The following STT3B variants were observed in gnomAD, a reference collection of about 807,000 sequenced individuals.
STT3B encodes STT3 oligosaccharyltransferase complex catalytic subunit B.
Under a neutral mutation model 96.8 loss-of-function variants are expected in STT3B, and 29 were observed. The observed-to-expected ratio is 0.30, with a 90% confidence interval of 0.22 to 0.41. The LOEUF is 0.41. Ranked by LOEUF, STT3B falls within the 10% of genes least tolerant of loss-of-function variation. STT3B has a pLI of 1.00. For synonymous variants in STT3B, 367 were observed against 360.0 expected, an observed-to-expected ratio of 1.02 and a Z score of -0.22; for missense variants, 640 against 1,022.3, an observed-to-expected ratio of 0.63 and a Z score of 5.10.
chr3:31,551,928 G>A (rs1394167221), intron 1 of STT3B, among the ~76,000 whole-genome samples: 2 of 152,180 alleles, frequency 1.3e-5, no homozygotes, highest in African/African-American at 2.4e-5. Context: ...CAACAGCCAG[G>A]AAGAAACCAG....
intron 1 of STT3B, among the ~76,000 whole-genome samples, chr3:31,572,383 A>C (rs907811496): frequency 1.3e-5 from 2 of 151,626 alleles, no homozygotes; most frequent in Non-Finnish European, 2.9e-5. Flanking sequence ...ACTTATCTCT[A>C]TGAGTCAAAA....
At chr3:31,632,289 T>G (rs1699680286) in intron 14 of STT3B, among the ~76,000 whole-genome samples, 1 of 152,248 alleles carries the variant, frequency 6.6e-6, no homozygotes, top group African/African-American at 2.4e-5. Flanking sequence ...TATCTCTTAC[T>G]TGTGCATTTA....
chr3:31,588,811 A>G (rs114323302), intron 3 of STT3B, among the ~76,000 whole-genome samples: 10 of 152,108 alleles, frequency 6.6e-5, no homozygotes, highest in African/African-American at 2.4e-4. Context: ...AGGTCAGTTT[A>G]TATTTATGGG....
chr3:31,565,661 G>A (rs902779041), intron 1 of STT3B, among the ~76,000 whole-genome samples: 1 of 152,202 alleles, frequency 6.6e-6, no homozygotes, highest in African/African-American at 2.4e-5. Context: ...CTTTGTGATA[G>A]TCACACTTAT....
Position 31,637,492 on chromosome 3 carries a change from G to A in STT3B, c.*1428G>A, listed in dbSNP as rs914719876. The A allele has an allele frequency of 1.3e-5, 2 of 152,158 alleles. No homozygotes were observed. The highest frequency in any genetic ancestry group is 4.8e-5 in the African/African-American group (2 of 41,446). 9.4% of individuals were successfully genotyped at this position (152,158 alleles called of 1,614,324 possible). On this transcript the variant is annotated 3_prime_UTR_variant, in exon 16 of 16. Transcript: ENST00000295770. ...AAATGGCTGAACATTTTCACAAATA[G>A]AGTGTAACGAAGTCTGGATTTCTGA...
At chr3:31,578,979 T>C (rs1301311093) in intron 2 of STT3B, among the ~76,000 whole-genome samples, 1 of 151,816 alleles carries the variant, frequency 6.6e-6, no homozygotes, top group African/African-American at 2.4e-5. Flanking sequence ...TGTTATGGAG[T>C]AAAAAAAGAG....
Position 31,576,424 on chromosome 3 carries a change from G to T in STT3B, c.343G>T (p.Ala115Ser). 1.9e-6 allele frequency: 3 copies of T among 1,601,596 alleles called. No homozygotes were observed. The highest frequency in any genetic ancestry group is 2.6e-6 in the Non-Finnish European group (3 of 1,173,088). The change falls in exon 2 of 16, where the codon GCA becomes TCA. Residue 115 changes from alanine to serine, a missense_variant. By Grantham distance (99) the Ala-to-Ser change is moderately conservative. Coordinates refer to ENST00000295770, the MANE Select transcript of STT3B (RefSeq NM_178862.3). ...WFNYRSTHHL[A>S]SHGFYEFLNW... Reference sequence around the variant, plus strand: ...TAACTATAGATCAACACATCATCTTGCATCTCATGGGTTCTATGAATTTTT... The same window carrying T: ...TAACTATAGATCAACACATCATCTTTCATCTCATGGGTTCTATGAATTTTT...
At chr3:31,549,689 A>G (rs1190448328) in intron 1 of STT3B, among the ~76,000 whole-genome samples, 1 of 152,194 alleles carries the variant, frequency 6.6e-6, no homozygotes, top group African/African-American at 2.4e-5. Context: ...ATGCATAATC[A>G]TATGTCTAAT....
intron 13 of STT3B, among the ~76,000 whole-genome samples, chr3:31,626,992 G>C (rs528140159): frequency 6.6e-6 from 1 of 152,296 alleles, no homozygotes; most frequent in South Asian, 2.1e-4. Context: ...CCTGACACGT[G>C]TGTTTTTACT....
chr3:31,633,313 T>A (rs1699699489), intron 15 of STT3B, 166 bp downstream of exon 15: 1 of 661,618 alleles, frequency 1.5e-6, no homozygotes, highest in African/African-American at 1.8e-5. Context: ...GAGCATTCCT[T>A]TCAAACTGAG....
In STT3B at chr3:31,533,193, G is replaced by T; in HGVS notation, c.195G>T (p.Pro65=). ...PAGLSGGLSQ[P]AGWQSLLSFT... is the part of the protein sequence containing the mutation. Reference sequence around the variant, plus strand: ...GGCTGTCCGGGGGGCTGTCGCAGCCGGCTGGGTGGCAGTCGCTTCTCTCCT... The same window carrying T: ...GGCTGTCCGGGGGGCTGTCGCAGCCTGCTGGGTGGCAGTCGCTTCTCTCCT... The change falls in exon 1 of 16, where the codon CCG becomes CCT. Residue 65 remains proline, a synonymous_variant. Coordinates refer to ENST00000295770, the MANE Select transcript of STT3B (RefSeq NM_178862.3). 7.0e-7 allele frequency: 1 copy of T among 1,431,954 alleles called. No homozygotes were observed. The highest frequency in any genetic ancestry group is 3.2e-5 in the East Asian group (1 of 31,592). The allele number at this position is 1,431,954 out of a possible 1,614,324, so 88.7% of individuals were successfully genotyped here. A position where few individuals can be genotyped will look rare whatever the true frequency, so the allele number is the denominator to read the frequency against.
chr3:31,632,670 T>A (rs10540469), intron 14 of STT3B, among the ~76,000 whole-genome samples: 1 of 50,642 alleles, frequency 2.0e-5, no homozygotes, highest in Non-Finnish European at 4.4e-5. Context: ...TTTTGGTGGG[T>A]TTTTTTTTTT....
intron 1 of STT3B, among the ~76,000 whole-genome samples, chr3:31,543,390 TAGGGAGGC>T (rs1697327669): frequency 6.6e-6 from 1 of 152,206 alleles, no homozygotes; most frequent in Non-Finnish European, 1.5e-5. Context: ...ACTATTATTG[TAGGGAGGC>T]AAAAGATTCT....
intron 1 of STT3B, among the ~76,000 whole-genome samples, chr3:31,549,273 G>A (rs1437654177): frequency 6.7e-6 from 1 of 150,200 alleles, no homozygotes; most frequent in Non-Finnish European, 1.5e-5. Context: ...TTTTTCAAAT[G>A]GGACAGTTGA....
chr3:31,552,883 C>A (rs1250107577), intron 1 of STT3B, among the ~76,000 whole-genome samples: 1 of 151,956 alleles, frequency 6.6e-6, no homozygotes, highest in Non-Finnish European at 1.5e-5. Context: ...ACGGGCGGAT[C>A]ACGAGGTCAG....
At chr3:31,566,364 T>C (rs552333682) in intron 1 of STT3B, among the ~76,000 whole-genome samples, 104 of 152,344 alleles carry the variant, frequency 6.8e-4, no homozygotes, top group African/African-American at 2.3e-3. Flanking sequence ...GGACAACTTA[T>C]GTTACATATT....
In STT3B at chr3:31,635,990, A is replaced by G; in HGVS notation, c.2407A>G (p.Lys803Glu). ...GTGTTTTGTTTTTTTATAGACTACC[A>G]AAAGGAAGCGTGGCTACATTAAAAA... The part of the protein sequence containing the change: ...KQKYLSKKTT[K>E]RKRGYIKNKL... The change falls in exon 16 of 16, where the codon AAA becomes GAA. Residue 803 changes from lysine (K) to glutamate (E), a missense_variant. Coordinates refer to ENST00000295770, the MANE Select transcript of STT3B (RefSeq NM_178862.3). The G allele has an allele frequency of 6.2e-7, 1 of 1,603,782 alleles. No individual in the cohort carries two copies. Among genetic ancestry groups the G allele is most frequent in the Non-Finnish European group, 8.5e-7 (1 of 1,175,794 alleles).
chr3:31,573,255 T>A lies in STT3B; in HGVS notation c.315-3141T>A, dbSNP rs746024290. Among the ~76,000 whole-genome samples, 116 of 152,322 alleles carry A rather than the reference T, an allele frequency of 7.6e-4. 1 individual carries two copies. In the Middle Eastern group the frequency reaches 0.017, roughly 22 times the overall value. ...AGTGGAGGTTTTTCTGCTTTAATTT[T>A]AAAGTGATGAAGTCTTTGAATAATT... On this transcript the variant is annotated intron_variant, in intron 1 of 15. Coordinates refer to ENST00000295770, the MANE Select transcript of STT3B (RefSeq NM_178862.3).
In STT3B at chr3:31,596,790, T is replaced by C. The variant is rs1226024337; in HGVS notation, c.712-8T>C. 1.2e-6 allele frequency: 2 copies of C among 1,603,590 alleles called. No individual in the cohort carries two copies. Among genetic ancestry groups the C allele is most frequent in the Non-Finnish European group, 1.7e-6 (2 of 1,173,278 alleles). ...ATTTTTATTATATCAGTTGCTTTTG[T>C]TTTTTAGGTAAAATCTGTAAAAACT... On this transcript the variant is annotated splice_polypyrimidine_tract_variant and splice_region_variant and intron_variant, in intron 3 of 15. Transcript: ENST00000295770.
Sources: gnomAD v4.1 joint callset for allele counts (sites outside exome capture counted in the v4.1 genomes callset) on GRCh38, gnomAD v4.1.1 for gene constraint, MANE v1.5 for transcripts, NCBI Gene and HGNC (gene_info 2026-07-23, HGNC 2026-07-21) for gene names.